Variants in IDUA observed in about 807,000 individuals in gnomAD.
IDUA encodes the protein alpha-L-iduronidase, also known as iduronidase alpha-L-.
A neutral mutation model predicts 68.9 loss-of-function variants in IDUA; 65 were observed. That is an observed-to-expected ratio of 0.94 (90% CI 0.77 to 1.16). The LOEUF (loss-of-function observed/expected upper bound fraction) is 1.16, where lower values mean the gene tolerates loss of function less well. Ranked by LOEUF, IDUA falls within the 50% of genes most tolerant of loss-of-function variation. IDUA has a pLI of 0.00. For missense variants in IDUA, 1,046 were observed against 938.0 expected (o/e 1.12, Z -1.50); for synonymous variants, 529 against 433.6 (o/e 1.22, Z -2.73).
intron 2 of IDUA, chr4:989,849 C>T (rs760307096): frequency 6.3e-6 from 10 of 1,577,112 alleles, no homozygotes; most frequent in Admixed American, 3.7e-5. Context: ...TGACTGCGGG[C>T]GAACATCTCC....
chr4:1,001,488 G>T lies in IDUA; in HGVS notation c.514G>T (p.Val172Phe), dbSNP rs139155899. The change falls in exon 5 of 14, where the codon GTT becomes TTT. Residue 172 changes from valine to phenylalanine, a missense_variant. Physicochemically the swap from Val to Phe is conservative, Grantham distance 50 (BLOSUM62 -1). Coordinates refer to ENST00000514224, the MANE Select transcript of IDUA (RefSeq NM_000203.5). ...RYIGRYGLAH[V>F]SKWNFETWNE... ...TGCAGGTAGGTACGGACTGGCGCAT[G>T]TTTCCAAGTGGAACTTCGAGACGTG... 10 of 1,613,084 alleles carry T rather than the reference G, an allele frequency of 6.2e-6. No individual in the cohort carries two copies. Among genetic ancestry groups the T allele is most frequent in the Non-Finnish European group, 7.6e-6 (9 of 1,179,962 alleles).
At chr4:987,340 C>T in intron 1 of IDUA, 98 bp downstream of exon 1, 2 of 1,198,342 alleles carry the variant, frequency 1.7e-6, no homozygotes, top group African/African-American at 1.6e-5. Context: ...CCGGAGCTCC[C>T]TCCTCTGGGG....
chr4:1,003,909 G>C, intron 12 of IDUA, 103 bp from the exon 13 acceptor site: 1 of 1,015,388 alleles, frequency 9.8e-7, no homozygotes. Flanking sequence ...CCGCCGAGGG[G>C]CTTGAGGGAA....
Position 1,003,620 on chromosome 4 carries a change from C to T in IDUA, c.1722C>T (p.Gly574=), listed in dbSNP as rs1307428521. 1 of 1,612,312 alleles carries T rather than the reference C, an allele frequency of 6.2e-7. No individual in the cohort carries two copies. Among genetic ancestry groups the T allele is most frequent in the South Asian group, 1.1e-5 (1 of 91,086 alleles). Residue 574 remains glycine (G), a synonymous_variant, in exon 12 of 14, where the codon GGC becomes GGT. Transcript: ENST00000514224. Reference sequence around the variant, plus strand: ...TGGTCTGGTCGGATGAACACGTGGGCTCCAAGTGCGTGAGTGGGGCCGCCC... The same window carrying T: ...TGGTCTGGTCGGATGAACACGTGGGTTCCAAGTGCGTGAGTGGGGCCGCCC... ...LVLVWSDEHV[G]SKCLWTYEIQ...
intron 2 of IDUA, among the ~76,000 whole-genome samples, chr4:999,002 A>T (rs930308859): frequency 4.6e-5 from 7 of 152,206 alleles, no homozygotes; most frequent in Admixed American, 3.9e-4. Context: ...CAGGAAATGG[A>T]AACCATCCTG....
In IDUA at chr4:1,000,707, G is replaced by A; in HGVS notation, c.385+10G>A. On this transcript the variant is annotated intron_variant, in intron 3 of 13. Coordinates refer to ENST00000514224, the MANE Select transcript of IDUA (RefSeq NM_000203.5). ...AACCAGCTCCTCCCAGGTGAGCTGT[G>A]GGCTCTGCCCTCCCAGCCCGCCTGC... The A allele has an allele frequency of 1.9e-6, 3 of 1,600,714 alleles. No individual in the cohort carries two copies. Among genetic ancestry groups the A allele is most frequent in the Non-Finnish European group, 2.6e-6 (3 of 1,169,536 alleles).
intron 2 of IDUA, chr4:989,148 G>C: frequency 6.2e-7 from 1 of 1,607,860 alleles, no homozygotes; most frequent in Non-Finnish European, 8.5e-7. Flanking sequence ...CAGCCCTGGT[G>C]CTAACCGGGC....
In IDUA at chr4:1,003,483, C is replaced by A. The variant is rs916954732; in HGVS notation, c.1650+13C>A. The A allele has an allele frequency of 4.1e-5, 65 of 1,583,974 alleles. 2 individuals carry two copies. Among genetic ancestry groups the A allele is most frequent in the East Asian group, 2.3e-5 (1 of 43,926 alleles). On this transcript the variant is annotated intron_variant, in intron 11 of 13. Coordinates refer to ENST00000514224, the MANE Select transcript of IDUA (RefSeq NM_000203.5). ...GCCGCCCGGGCAGGCAAGTGGCAGT[C>A]CCCTAACCCGCGCCGCGGCCCGGAC...
chr4:1,003,089 G>T lies in IDUA; in HGVS notation c.1456G>T (p.Glu486Ter), dbSNP rs1356329915. The T allele has an allele frequency of 2.6e-6, 4 of 1,521,212 alleles. No homozygotes were observed. The highest frequency in any genetic ancestry group is 1.2e-5 in the South Asian group (1 of 82,086). 94.2% of individuals were successfully genotyped at this position (1,521,212 alleles called of 1,614,324 possible). ...CAACGGGCTCTGCAGCCCCGACGGC[G>T]AGTGGCGGCGCCTGGGCCGGCCCGT... Reference protein sequence around the residue: ...LDNGLCSPDGEWRRLGRPVFP... With the variant: ...LDNGLCSPDG Residue 486 changes from glutamate to a stop codon, truncating the protein, a stop_gained, in exon 10 of 14, where the codon GAG (glutamate) becomes TAG (stop). Transcript: ENST00000514224. LOFTEE classifies it high-confidence loss of function.
At chr4:1,003,886 G>T in intron 12 of IDUA, 126 bp from the exon 13 acceptor site, 1 of 899,316 alleles carries the variant, frequency 1.1e-6, no homozygotes. Context: ...AGTGCCCAGG[G>T]GCTGGGGAGG....
chr4:1,001,465 C>T lies in IDUA; in HGVS notation c.494-3C>T. 2 of 1,612,410 alleles carry T rather than the reference C, an allele frequency of 1.2e-6. No homozygotes were observed. Among genetic ancestry groups the T allele is most frequent in the Non-Finnish European group, 1.7e-6 (2 of 1,179,362 alleles). On this transcript the variant is annotated splice_region_variant and splice_polypyrimidine_tract_variant and intron_variant, in intron 4 of 13. Coordinates refer to ENST00000514224, the MANE Select transcript of IDUA (RefSeq NM_000203.5). ...CTGGGGGGACAGCAAGGCTCCTCTG[C>T]AGGTAGGTACGGACTGGCGCATGTT...
At position 1,004,106 on chromosome 4, in the gene IDUA, A is replaced by G; in HGVS notation, c.1822A>G (p.Ser608Gly). 6.2e-7 allele frequency: 1 copy of G among 1,612,810 alleles called. No homozygotes were observed. The highest frequency in any genetic ancestry group is 1.7e-5 in the Admixed American group (1 of 59,930). Residue 608 changes from serine to glycine, a missense_variant, in exon 13 of 14, where the codon AGC (serine) becomes GGC (glycine). Physicochemically the swap from Ser to Gly is moderately conservative, Grantham distance 56 (BLOSUM62 0). Transcript: ENST00000514224. The surrounding 1 kb of genome is among the most constrained non-coding windows in gnomAD (Gnocchi z 5.0). ...ATCGACCTTCAACCTCTTTGTGTTC[A>G]GCCCAGGTGCGCCCACCACCCGCTG... Reference protein sequence around the residue: ...KPSTFNLFVFSPDTGAVSGSY... With the variant: ...KPSTFNLFVFGPDTGAVSGSY...
chr4:990,955 G>A, intron 2 of IDUA: 1 of 647,560 alleles, frequency 1.5e-6, no homozygotes. Context: ...CTCCGCGTCG[G>A]TGCCTCGCCC....
rs774781906 is a variant in IDUA at position 990,178 on chromosome 4, C to T, written c.299+2229C>T. The T allele has an allele frequency of 1.2e-5, 19 of 1,560,184 alleles. No individual in the cohort carries two copies. The East Asian group carries it at 1.7e-4, about 14-fold the overall frequency. ...GCACACGTTGGCCTGCCCGGCGCCGCGCAGCAGGCTCAGCCATGTGAGGAC... is the reference window on the plus strand; with the variant it reads ...GCACACGTTGGCCTGCCCGGCGCCGTGCAGCAGGCTCAGCCATGTGAGGAC... On this transcript the variant is annotated intron_variant, in intron 2 of 13. Coordinates refer to ENST00000514224, the MANE Select transcript of IDUA (RefSeq NM_000203.5).
intron 2 of IDUA, among the ~76,000 whole-genome samples, chr4:998,009 C>T (rs144118704): frequency 6.6e-6 from 1 of 152,374 alleles, no homozygotes; most frequent in African/African-American, 2.4e-5. Context: ...GGTCACCGTG[C>T]CCCGCTACTC....
intron 3 of IDUA, 65 bp from the exon 4 acceptor site, chr4:1,000,817 C>A: frequency 1.3e-6 from 2 of 1,520,068 alleles, no homozygotes; most frequent in Non-Finnish European, 1.8e-6. Context: ...GGTGCCGGAG[C>A]ACAGGCCTGG....
intron 4 of IDUA, chr4:1,001,195 TGGGTGGGCGAAGGCCCTGGGCCCCTG>T (rs1715050297): frequency 1.3e-5 from 8 of 594,490 alleles, no homozygotes; most frequent in Non-Finnish European, 2.4e-5. Context: ...CTGGGCTTGG[TGGGTGGGCGAAGGCCCTGGGCCCCTG>T]GGGTGGGGGG....
rs121965033 is a variant in IDUA at position 1,002,333 on chromosome 4, T to C, written c.1037T>C (p.Leu346Pro). Residue 346 changes from leucine to proline, a missense_variant, in exon 8 of 14, where the codon CTG (leucine) becomes CCG (proline). By Grantham distance (98) the Leu-to-Pro change is moderately conservative. Transcript: ENST00000514224. ...ACCTCCGCCTTCCCCTACGCGCTCC[T>C]GAGCAACGACAATGCCTTCCTGAGC... is the stretch of plus-strand genomic sequence containing the variant. ...NTTSAFPYAL[L>P]SNDNAFLSYH... 1.2e-6 allele frequency: 2 copies of C among 1,613,136 alleles called. No individual in the cohort carries two copies. Among genetic ancestry groups the C allele is most frequent in the Non-Finnish European group, 1.7e-6 (2 of 1,179,742 alleles).
rs1715239113 is a variant in IDUA, at chr4:1,003,394, C to T, written c.1574C>T (p.Thr525Ile). 13 of 1,522,130 alleles carry T rather than the reference C, an allele frequency of 8.5e-6. No individual in the cohort carries two copies. Among genetic ancestry groups the T allele is most frequent in the East Asian group, 2.5e-5 (1 of 39,628 alleles). The allele number at this position is 1,522,130 out of a possible 1,614,324, so 94.3% of individuals were successfully genotyped here. A position where few individuals can be genotyped will look rare whatever the true frequency, so the allele number is the denominator to read the frequency against. Residue 525 changes from threonine (T) to isoleucine (I), a missense_variant, in exon 11 of 14, where the codon ACC becomes ATC. Physicochemically the swap from Thr to Ile is moderately conservative, Grantham distance 89. Transcript: ENST00000514224. ...CCCTTACCCGCCGGCGGCCGCCTGA[C>T]CCTGCGCCCCGCGCTGCGGCTGCCG... ...PRPLPAGGRL[T>I]LRPALRLPSL...
Sources: gnomAD v4.1 joint callset for allele counts (sites outside exome capture counted in the v4.1 genomes callset) on GRCh38, gnomAD v4.1.1 for gene constraint, Gnocchi (gnomAD v3.1) non-coding constraint, MANE v1.5 for transcripts, NCBI Gene and HGNC (gene_info 2026-07-23, HGNC 2026-07-21) for gene names.